LHFPL1: variants seen among roughly 807,000 people sequenced by gnomAD.
LHFPL1 encodes LHFPL tetraspan subfamily member 1.
Under a neutral mutation model 12.1 loss-of-function variants are expected in LHFPL1, and 4 were observed. The ratio of observed to expected loss-of-function variants is 0.33; its 90% CI spans 0.16 to 0.76. The LOEUF (loss-of-function observed/expected upper bound fraction) is 0.76. LHFPL1 is among the 30% of genes least tolerant of loss of function. The pLI is 0.61. For missense variants in LHFPL1, 141 were observed against 174.1 expected (o/e 0.81, Z 1.07); for synonymous variants, 52 against 61.9 (o/e 0.84, Z 0.75).
intron 2 of LHFPL1, among the ~76,000 whole-genome samples, chrX:112,669,835 G>A (rs761022536): frequency 3.6e-5 from 4 of 111,500 alleles, no homozygotes; most frequent in African/African-American, 1.3e-4. Flanking sequence ...TGTCTTCCAG[G>A]GGGGAGGGGC....
In LHFPL1 at chrX:112,634,767, T is replaced by C. The variant is rs191523994; in HGVS notation, c.482-3166A>G. On this transcript the variant is annotated intron_variant, in intron 3 of 3. Coordinates refer to ENST00000371968, the MANE Select transcript of LHFPL1 (RefSeq NM_178175.4). ...AGGAGCCAACACTAAAGTGCTCCTA[T>C]TGCCACCCCAAGTGCCTTGTGAATT... 2.5e-3 allele frequency among the ~76,000 whole-genome samples: 275 copies of C among 110,831 alleles called. 2 individuals are homozygous for C. Among genetic ancestry groups the C allele is most frequent in the African/African-American group, 8.7e-3 (266 of 30,460 alleles).
intron 3 of LHFPL1, among the ~76,000 whole-genome samples, chrX:112,659,024 CA>C (rs1308827924): frequency 9.0e-6 from 1 of 111,686 alleles, no homozygotes; most frequent in Non-Finnish European, 1.9e-5. Context: ...GCCAGACACA[CA>C]AAAAAACACA....
At chrX:112,644,366 A>AT (rs1267652157) in intron 3 of LHFPL1, among the ~76,000 whole-genome samples, 3 of 111,197 alleles carry the variant, frequency 2.7e-5, no homozygotes, top group Non-Finnish European at 5.7e-5. Context: ...TTTATTGTAC[A>AT]TTTTTAACAT....
intron 3 of LHFPL1, among the ~76,000 whole-genome samples, chrX:112,645,755 G>A (rs1482095616): frequency 1.8e-5 from 2 of 111,794 alleles, no homozygotes; most frequent in Non-Finnish European, 3.8e-5. Context: ...TTTGATGGCT[G>A]GAGTTCAATT....
At position 112,671,299 on chromosome X, in the gene LHFPL1, TA is replaced by T. The variant is rs758836434; in HGVS notation, c.91del (p.Tyr31ThrfsTer31). 3.3e-6 allele frequency: 4 copies of T among 1,211,762 alleles called. No homozygotes were observed. Among genetic ancestry groups the T allele is most frequent in the Non-Finnish European group, 4.5e-6 (4 of 895,481 alleles). On this transcript the variant is annotated frameshift_variant, in exon 2 of 4. Coordinates refer to ENST00000371968, the MANE Select transcript of LHFPL1 (RefSeq NM_178175.4). LOFTEE classifies it high-confidence loss of function. ...VTSSTSYFLP[Y>X]WLFGSQMGKP... ...CCCCATCTGGGATCCAAAGAGCCAG[TA>T]AGGTAGGAAGTAACTGGTAGAACTG...
chrX:112,672,638 G>A (rs189353896), intron 1 of LHFPL1, among the ~76,000 whole-genome samples: 1 of 111,233 alleles, frequency 9.0e-6, no homozygotes, highest in Admixed American at 9.5e-5. Context: ...CCCAAAGCAG[G>A]GGAAGCGCAG....
intron 3 of LHFPL1, among the ~76,000 whole-genome samples, chrX:112,643,080 TAAA>T (rs774495839): frequency 2.3e-4 from 19 of 82,771 alleles, no homozygotes; most frequent in African/African-American, 6.1e-4. Flanking sequence ...CTGGGTAATT[TAAA>T]AAAAAAAAAA....
chrX:112,638,527 G>A (rs1361447430), intron 3 of LHFPL1, among the ~76,000 whole-genome samples: 3 of 110,886 alleles, frequency 2.7e-5, no homozygotes, highest in Non-Finnish European at 5.7e-5. Context: ...TCAAAGAAGA[G>A]AAAGGGACTA....
chrX:112,643,166 G>C lies in LHFPL1; in HGVS notation c.482-11565C>G, dbSNP rs772725197. ...GAGGCTGAGACGGGTGGATCACGAG[G>C]TCAGGAGTTCGAGACCAGCCTGACC... On this transcript the variant is annotated intron_variant, in intron 3 of 3. Coordinates refer to ENST00000371968, the MANE Select transcript of LHFPL1 (RefSeq NM_178175.4). Among the ~76,000 whole-genome samples the C allele has an allele frequency of 1.1e-3, 121 of 107,516 alleles. 2 individuals are homozygous for C. The highest frequency in any genetic ancestry group is 3.8e-3 in the African/African-American group (113 of 29,436). 93.4% of individuals were successfully genotyped at this position (107,516 alleles called of 115,157 possible).
At chrX:112,647,509 A>T (rs7877522) in intron 3 of LHFPL1, among the ~76,000 whole-genome samples, 4,233 of 112,236 alleles carry the variant, frequency 0.038, 194 homozygotes, top group African/African-American at 0.13. Context: ...AAAAGTGGGC[A>T]AAGGATATGA....
At chrX:112,678,231 C>A (rs1275718587) in intron 1 of LHFPL1, among the ~76,000 whole-genome samples, 1 of 111,515 alleles carries the variant, frequency 9.0e-6, no homozygotes, top group African/African-American at 3.3e-5. Flanking sequence ...ACTGGAATAA[C>A]CTCCCCAAAT....
chrX:112,676,397 G>A (rs1289215494), intron 1 of LHFPL1, among the ~76,000 whole-genome samples: 1 of 111,609 alleles, frequency 9.0e-6, no homozygotes, highest in African/African-American at 3.3e-5. Context: ...CAAGTTACCA[G>A]GCATTGATAG....
At chrX:112,631,729 G>T in intron 3 of LHFPL1, 128 bp from the exon 4 acceptor site, 1 of 442,142 alleles carries the variant, frequency 2.3e-6, no homozygotes, top group Non-Finnish European at 3.7e-6. Flanking sequence ...TATGGTTAGG[G>T]TGAGAATAGG....
chrX:112,676,723 T>G (rs756243476), intron 1 of LHFPL1, among the ~76,000 whole-genome samples: 184 of 112,293 alleles, frequency 1.6e-3, no homozygotes, highest in Non-Finnish European at 3.1e-3. Flanking sequence ...TTATCTCCAT[T>G]ACTTTTAAAG....
intron 3 of LHFPL1, among the ~76,000 whole-genome samples, chrX:112,647,088 C>T (rs960864824): frequency 4.5e-5 from 5 of 111,755 alleles, no homozygotes; most frequent in Non-Finnish European, 9.4e-5. Flanking sequence ...TTCATGAGAA[C>T]ATGTTGCGAA....
intron 3 of LHFPL1, among the ~76,000 whole-genome samples, chrX:112,654,257 T>G (rs1930933209): frequency 8.9e-6 from 1 of 111,923 alleles, no homozygotes; most frequent in Non-Finnish European, 1.9e-5. Flanking sequence ...GATCATATGA[T>G]TCAATCATTC....
chrX:112,669,029 T>G (rs1022331240), intron 2 of LHFPL1, among the ~76,000 whole-genome samples: 1 of 112,473 alleles, frequency 8.9e-6, no homozygotes, highest in African/African-American at 3.2e-5. Context: ...CAGCCCTGCA[T>G]GGAAGCCTGG....
intron 3 of LHFPL1, 152 bp downstream of exon 3, chrX:112,660,475 A>C: frequency 4.1e-6 from 2 of 485,063 alleles, no homozygotes; most frequent in Non-Finnish European, 7.1e-6. Context: ...TTTACAGCCA[A>C]CTCTTGTGAG....
Position 112,631,244 on chromosome X carries a change from A to G in LHFPL1, c.*176T>C, listed in dbSNP as rs916206809. On this transcript the variant is annotated 3_prime_UTR_variant, in exon 4 of 4. Transcript: ENST00000371968. ...ATGTTTCCTCTGATGAATTTTATAA[A>G]CAGCCAGTGACCTACTGGCTTAAAG... The G allele has an allele frequency of 2.7e-6, 1 of 365,091 alleles. No individual in the cohort carries two copies. The highest frequency in any genetic ancestry group is 4.8e-5 in the Admixed American group (1 of 21,011). The allele number at this position is 365,091 out of a possible 1,213,427, so 30.1% of individuals were successfully genotyped here. A position where few individuals can be genotyped will look rare whatever the true frequency, so the allele number is the denominator to read the frequency against.
Sources: gnomAD v4.1 joint callset for allele counts (sites outside exome capture counted in the v4.1 genomes callset) on GRCh38, gnomAD v4.1.1 for gene constraint, MANE v1.5 for transcripts, NCBI Gene and HGNC (gene_info 2026-07-23, HGNC 2026-07-21) for gene names.